The following OR6Y1 variants were observed in gnomAD, a reference collection of about 807,000 sequenced individuals.
The protein encoded by OR6Y1 is olfactory receptor family 6 subfamily Y member 1.
A neutral mutation model predicts 0.4 loss-of-function variants in OR6Y1; 1 was observed. The observed-to-expected ratio is 2.74, with a 90% CI of 0.97 to 13.02. OR6Y1 has a LOEUF of 13.02. OR6Y1 is among the 30% of genes most tolerant of loss of function. OR6Y1 has a pLI of 0.12. For missense variants in OR6Y1, 480 were observed against 399.8 expected, an observed-to-expected ratio of 1.20 and a Z score of -1.71; for synonymous variants, 173 against 141.1, an observed-to-expected ratio of 1.23 and a Z score of -1.60.
chr1:158,550,188 TCTA>T (rs1348558426), intron 1 of OR6Y1, among the ~76,000 whole-genome samples: 2 of 148,016 alleles, frequency 1.4e-5, no homozygotes, highest in Non-Finnish European at 3.0e-5. Flanking sequence ...TTAGAATAAT[TCTA>T]CTAATTAATG....
In OR6Y1 at chr1:158,547,383, CT is replaced by C. The variant is rs1647572596; in HGVS notation, c.722del (p.Lys241ArgfsTer10). ...LRIPSAQGRQ[K>X]AFSTCASHLT... ...GGTGGGAGGCACAGGTGGAGAATGC[CT>C]TTTGGCGGCCCTGAGCAGAAGGGAT... On this transcript the variant is annotated frameshift_variant, in exon 2 of 2. Transcript: ENST00000641622. LOFTEE classifies it high-confidence loss of function. The C allele has an allele frequency of 4.3e-6, 7 of 1,613,412 alleles. No individual in the cohort carries two copies. The highest frequency in any genetic ancestry group is 5.9e-6 in the Non-Finnish European group (7 of 1,179,998).
intron 1 of OR6Y1, among the ~76,000 whole-genome samples, chr1:158,553,769 T>G (rs1028001330): frequency 6.6e-6 from 1 of 152,120 alleles, no homozygotes; most frequent in Non-Finnish European, 1.5e-5. Context: ...CCATTTTCTC[T>G]TTTTTTGTCC....
At chr1:158,551,729 T>C (rs933194173) in intron 1 of OR6Y1, among the ~76,000 whole-genome samples, 20 of 141,314 alleles carry the variant, frequency 1.4e-4, no homozygotes, top group Admixed American at 1.0e-3. Context: ...CAATTGCTTG[T>C]CCATTGTAGT....
rs1647467467 is a variant in OR6Y1, at chr1:158,544,648, C to T, written c.*2480G>A. The T allele has an allele frequency of 6.6e-6, 1 of 152,046 alleles. No individual in the cohort carries two copies. 9.4% of individuals were successfully genotyped at this position (152,046 alleles called of 1,614,324 possible). On this transcript the variant is annotated 3_prime_UTR_variant, in exon 2 of 2. Transcript: ENST00000641622. ...TTATTTTGTCACCCAGGTATCAAGC[C>T]TATTACCCATTAGTTATTTCTCCTG...
chr1:158,547,932 C>A lies in OR6Y1; in HGVS notation c.174G>T (p.Gly58=). ...AGAAGTACATGGGCTTATGCAGCTG[C>A]CCATCACTGTGGATAGCTAAGATGA... ...LLIILAIHSD[G]QLHKPMYFFL... The change falls in exon 2 of 2, where the codon GGG becomes GGT. Residue 58 remains glycine, a synonymous_variant. Transcript: ENST00000641622. 1 of 1,613,300 alleles carries A rather than the reference C, an allele frequency of 6.2e-7. No individual in the cohort carries two copies. The highest frequency in any genetic ancestry group is 8.5e-7 in the Non-Finnish European group (1 of 1,179,846).
chr1:158,552,658 G>T (rs1647733211), intron 1 of OR6Y1, among the ~76,000 whole-genome samples: 3 of 152,072 alleles, frequency 2.0e-5, no homozygotes, highest in Non-Finnish European at 2.9e-5. Context: ...AGCTCTGTGG[G>T]GATTGGTTTG....
At position 158,548,326 on chromosome 1, in the gene OR6Y1, A is replaced by G; in HGVS notation, c.-221T>C. ...TAACTTGTTTTCAGATTTTCTCAAG[A>G]GCAGTAACTTGTCCAAGGTCATACA... On this transcript the variant is annotated 5_prime_UTR_variant, in exon 2 of 2. Coordinates refer to ENST00000641622, the MANE Select transcript of OR6Y1 (RefSeq NM_001005189.2). The G allele has an allele frequency of 1.9e-6, 1 of 521,838 alleles. No individual in the cohort carries two copies. The highest frequency in any genetic ancestry group is 3.4e-6 in the Non-Finnish European group (1 of 298,170). The allele number at this position is 521,838 out of a possible 1,614,324, so 32.3% of individuals were successfully genotyped here.
At position 158,547,464 on chromosome 1, in the gene OR6Y1, A is replaced by T. The variant is rs746904126; in HGVS notation, c.642T>A (p.Ile214=). ...DFFLALMVIA[I]PLCVVVASYA... ...AGGATGCCACCACAACACAAAGAGG[A>T]ATAGCAATGACCATGAGGGCCAAGA... The change falls in exon 2 of 2, where the codon ATT becomes ATA. Residue 214 remains isoleucine, a synonymous_variant. Transcript: ENST00000641622. The T allele has an allele frequency of 6.2e-7, 1 of 1,613,480 alleles. No individual in the cohort carries two copies. Among genetic ancestry groups the T allele is most frequent in the Admixed American group, 1.7e-5 (1 of 59,954 alleles).
At chr1:158,549,834 A>T (rs1647653794) in intron 1 of OR6Y1, among the ~76,000 whole-genome samples, 1 of 112,452 alleles carries the variant, frequency 8.9e-6, no homozygotes, top group Non-Finnish European at 1.9e-5. Flanking sequence ...GATTTAAAAA[A>T]ATATCTTTGA....
Position 158,549,243 on chromosome 1 carries a change from C to A in OR6Y1, c.-1138G>T, listed in dbSNP as rs1427047253. The A allele has an allele frequency of 2.0e-5, 3 of 151,720 alleles. No homozygotes were observed. The highest frequency in any genetic ancestry group is 7.3e-5 in the African/African-American group (3 of 41,036). 9.4% of individuals were successfully genotyped at this position (151,720 alleles called of 1,614,324 possible). ...TTCATTAATTTAGCAAAATGTGTGA[C>A]CTCTTTTTGTGTTAGGCTGATAATC... On this transcript the variant is annotated 5_prime_UTR_variant, in exon 2 of 2. Transcript: ENST00000641622.
rs1647629808 is a variant in OR6Y1, at chr1:158,548,985, CT to C, written c.-881del. The C allele has an allele frequency of 1.3e-5, 2 of 151,692 alleles. No homozygotes were observed. The highest frequency in any genetic ancestry group is 4.1e-4 in the South Asian group (2 of 4,824). The allele number at this position is 151,692 out of a possible 1,614,324, so 9.4% of individuals were successfully genotyped here. A position where few individuals can be genotyped will look rare whatever the true frequency, so the allele number is the denominator to read the frequency against. On this transcript the variant is annotated 5_prime_UTR_variant, in exon 2 of 2. Coordinates refer to ENST00000641622, the MANE Select transcript of OR6Y1 (RefSeq NM_001005189.2). ...TTTACTTACCCCACATACATAGCTC[CT>C]CCTCCTTTTAAAAAAACACACACTC...
At position 158,548,043 on chromosome 1, in the gene OR6Y1, C is replaced by A. The variant is rs1323125701; in HGVS notation, c.63G>T (p.Gly21=). Residue 21 remains glycine, a synonymous_variant, in exon 2 of 2, where the codon GGG becomes GGT. Coordinates refer to ENST00000641622, the MANE Select transcript of OR6Y1 (RefSeq NM_001005189.2). ...HTVTTRFILL[G]FPTRPAFQLL... ...GCTGGAAGGCTGGTCGTGTTGGAAA[C>A]CCCAGAAGAATGAAACGTGTTGTCA... 1.2e-6 allele frequency: 2 copies of A among 1,613,382 alleles called. No homozygotes were observed. Among genetic ancestry groups the A allele is most frequent in the Admixed American group, 1.7e-5 (1 of 59,974 alleles).
At position 158,546,445 on chromosome 1, in the gene OR6Y1, AT is replaced by A. The variant is rs1406364033; in HGVS notation, c.*682del. The stretch of plus-strand genomic sequence containing the variant: ...GGTATATGTTATTATAACATTAATA[AT>A]AAAAATTAGTAATAGTTTTCACTTT... On this transcript the variant is annotated 3_prime_UTR_variant, in exon 2 of 2. Transcript: ENST00000641622. 2 of 152,220 alleles carry A rather than the reference AT, an allele frequency of 1.3e-5. No individual in the cohort carries two copies. Among genetic ancestry groups the A allele is most frequent in the Non-Finnish European group, 2.9e-5 (2 of 68,040 alleles). 9.4% of individuals were successfully genotyped at this position (152,220 alleles called of 1,614,324 possible). A position where few individuals can be genotyped will look rare whatever the true frequency, so the allele number is the denominator to read the frequency against.
rs759226550 is a variant in OR6Y1, at chr1:158,547,160, C to T, written c.946G>A (p.Gly316Arg). The change falls in exon 2 of 2, where the codon GGG becomes AGG. Residue 316 changes from glycine (G) to arginine (R), a missense_variant. Coordinates refer to ENST00000641622, the MANE Select transcript of OR6Y1 (RefSeq NM_001005189.2). Reference protein sequence around the residue: ...LRKTIHCRGSGPQGNGAFSS With the variant: ...LRKTIHCRGSRPQGNGAFSS ...CTGAAAGCCCCATTTCCCTGGGGCCCACTTCCTCTGCAATGTATGGTCTTT... is the reference window on the plus strand; with the variant it reads ...CTGAAAGCCCCATTTCCCTGGGGCCTACTTCCTCTGCAATGTATGGTCTTT... The T allele has an allele frequency of 1.2e-6, 2 of 1,613,238 alleles. No individual in the cohort carries two copies. Among genetic ancestry groups the T allele is most frequent in the Non-Finnish European group, 1.7e-6 (2 of 1,179,896 alleles).
At position 158,549,496 on chromosome 1, in the gene OR6Y1, C is replaced by A. The variant is rs1427233993; in HGVS notation, c.-1391G>T. On this transcript the variant is annotated 5_prime_UTR_variant, in exon 2 of 2. Coordinates refer to ENST00000641622, the MANE Select transcript of OR6Y1 (RefSeq NM_001005189.2). ...CAGAGCCAGAAAACTACTGCCCATA[C>A]TATCCATTTCCTCTTCCCACTTAGA... The A allele has an allele frequency of 6.6e-6, 1 of 150,846 alleles. No individual in the cohort carries two copies. The highest frequency in any genetic ancestry group is 1.9e-4 in the East Asian group (1 of 5,142). 9.3% of individuals were successfully genotyped at this position (150,846 alleles called of 1,614,324 possible).
intron 1 of OR6Y1, among the ~76,000 whole-genome samples, chr1:158,552,003 G>A (rs1320934509): frequency 6.6e-6 from 1 of 151,972 alleles, no homozygotes; most frequent in African/African-American, 2.4e-5. Context: ...TTGGGAGATG[G>A]AACACTTTCT....
At chr1:158,553,271 G>A (rs1430365700) in intron 1 of OR6Y1, among the ~76,000 whole-genome samples, 2 of 152,092 alleles carry the variant, frequency 1.3e-5, no homozygotes, top group Non-Finnish European at 2.9e-5. Context: ...ATAATGTGAT[G>A]CATTTTTTTG....
In OR6Y1 at chr1:158,545,292, T is replaced by G. The variant is rs1278689732; in HGVS notation, c.*1836A>C. On this transcript the variant is annotated 3_prime_UTR_variant, in exon 2 of 2. Coordinates refer to ENST00000641622, the MANE Select transcript of OR6Y1 (RefSeq NM_001005189.2). ...TCACACCAGTTAGAATGGCTATTAT[T>G]ATGGACACAGGAACATCACACTCCG... 7.9e-6 allele frequency: 1 copy of G among 125,928 alleles called. No individual in the cohort carries two copies. The highest frequency in any genetic ancestry group is 1.6e-5 in the Non-Finnish European group (1 of 63,920). 7.8% of individuals were successfully genotyped at this position (125,928 alleles called of 1,614,324 possible).
Position 158,545,711 on chromosome 1 carries a change from G to A in OR6Y1, c.*1417C>T, listed in dbSNP as rs1358884181. The A allele has an allele frequency of 1.3e-5, 2 of 151,846 alleles. No homozygotes were observed. Among genetic ancestry groups the A allele is most frequent in the Admixed American group, 6.6e-5 (1 of 15,254 alleles). 9.4% of individuals were successfully genotyped at this position (151,846 alleles called of 1,614,324 possible). ...AATATTAGACCTTTGTCAGTTGTAT[G>A]GTTTGCCAAAAATGTTTTCATTCTG... On this transcript the variant is annotated 3_prime_UTR_variant, in exon 2 of 2. Coordinates refer to ENST00000641622, the MANE Select transcript of OR6Y1 (RefSeq NM_001005189.2).
Sources: gnomAD v4.1 joint callset for allele counts (sites outside exome capture counted in the v4.1 genomes callset) on GRCh38, gnomAD v4.1.1 for gene constraint, MANE v1.5 for transcripts, NCBI Gene and HGNC (gene_info 2026-07-23, HGNC 2026-07-21) for gene names.